Variants in EFHB observed in about 807,000 individuals in gnomAD.
EFHB encodes the protein EF-hand domain-containing family member B.
EFHB carries 91 observed loss-of-function variants against 87.2 expected under a neutral mutation model. The ratio of observed to expected loss-of-function variants is 1.04; its 90% CI spans 0.88 to 1.24. EFHB has a LOEUF of 1.24. Ranked by LOEUF, EFHB falls within the 50% of genes most tolerant of loss-of-function variation. EFHB has a pLI of 0.00. For missense variants in EFHB, 1,084 were observed against 998.8 expected, an observed-to-expected ratio of 1.09 and a Z score of -1.15; for synonymous variants, 325 against 333.6, an observed-to-expected ratio of 0.97 and a Z score of 0.28.
rs533916627 is a variant in EFHB at position 19,944,106 on chromosome 3, C to A, written c.-32+2813G>T. On this transcript the variant is annotated intron_variant, in intron 1 of 14. Transcript: ENST00000344838. ...CCTTTTATTCACTGACTTGCTACTA[C>A]GCCAATGTTAGAGTTACCGTTGGTT... 3.9e-5 allele frequency among the ~76,000 whole-genome samples: 6 copies of A among 152,304 alleles called. No homozygotes were observed. The South Asian group carries it at 1.2e-3, about 32-fold the overall frequency.
chr3:19,899,383 T>G, intron 7 of EFHB, 49 bp downstream of exon 7: 1 of 1,389,536 alleles, frequency 7.2e-7, no homozygotes, highest in Non-Finnish European at 9.9e-7. Flanking sequence ...GAGTATTTTT[T>G]AAATTCTATG....
At chr3:19,902,873 T>C (rs1414866050) in intron 6 of EFHB, among the ~76,000 whole-genome samples, 1 of 151,972 alleles carries the variant, frequency 6.6e-6, no homozygotes, top group African/African-American at 2.4e-5. Flanking sequence ...AACATTCCAA[T>C]TAAGTTTCAA....
rs772283714 is a variant in EFHB, at chr3:19,933,956, G to A, written c.63C>T (p.Ile21=). 5.0e-6 allele frequency: 8 copies of A among 1,613,492 alleles called. No individual in the cohort carries two copies. The Admixed American group carries it at 1.0e-4, about 20-fold the overall frequency. Residue 21 remains isoleucine (I), a synonymous_variant, in exon 1 of 13, where the codon ATC becomes ATT. Transcript: ENST00000295824. Reference sequence around the variant, plus strand: ...ACTCCATGGGAAATTTTGTTCCCATGATGACCCTCTTGTCTCCTAAATCAT... The same window carrying A: ...ACTCCATGGGAAATTTTGTTCCCATAATGACCCTCTTGTCTCCTAAATCAT... The part of the protein sequence containing the change: ...GKDDLGDKRV[I]MGTKFPMELG...
chr3:19,923,126 G>A (rs1052262278), intron 1 of EFHB, among the ~76,000 whole-genome samples: 2 of 152,028 alleles, frequency 1.3e-5, no homozygotes, highest in Non-Finnish European at 2.9e-5. Flanking sequence ...AATTAGCCAG[G>A]CATGGTGGCG....
At chr3:19,941,357 AGT>A (rs1161461342) in intron 1 of EFHB, 2 of 181,228 alleles carry the variant, frequency 1.1e-5, no homozygotes, top group Non-Finnish European at 2.3e-5. Context: ...CTCAAGAAAG[AGT>A]GTACTTAGCA....
chr3:19,933,310 C>A lies in EFHB; in HGVS notation c.709G>T (p.Glu237Ter), dbSNP rs200327375. The A allele has an allele frequency of 2.5e-6, 4 of 1,613,978 alleles. No homozygotes were observed. In the Admixed American group the frequency reaches 6.7e-5, roughly 27 times the overall value. Reference protein sequence around the residue: ...HEQRKEAGNIESGVEPPDRIR... With the variant: ...HEQRKEAGNI The stretch of plus-strand genomic sequence containing the variant: ...CGATCTGGAGGTTCCACTCCTGATT[C>A]AATGTTTCCAGCCTCCTTTCTCTGT... The change falls in exon 1 of 13, where the codon GAA (glutamate) becomes TAA (stop). Residue 237 changes from glutamate to a stop codon, truncating the protein, a stop_gained. Coordinates refer to ENST00000295824, the MANE Select transcript of EFHB (RefSeq NM_144715.4). LOFTEE classifies it high-confidence loss of function.
In EFHB at chr3:19,901,367, A is replaced by C. The variant is rs536809699; in HGVS notation, c.1419-1852T>G. Among the ~76,000 whole-genome samples, 9 of 152,350 alleles carry C rather than the reference A, an allele frequency of 5.9e-5. No individual in the cohort carries two copies. In the East Asian group the frequency reaches 1.5e-3, roughly 26 times the overall value. Reference sequence around the variant, plus strand: ...CAACACTACTATTTAATAACATTAAAATTAATAAATTCTCTATTGTTTTGC... The same window carrying C: ...CAACACTACTATTTAATAACATTAACATTAATAAATTCTCTATTGTTTTGC... On this transcript the variant is annotated intron_variant, in intron 6 of 12. Coordinates refer to ENST00000295824, the MANE Select transcript of EFHB (RefSeq NM_144715.4).
intron 9 of EFHB, among the ~76,000 whole-genome samples, chr3:19,889,009 A>C (rs1177630984): frequency 6.6e-6 from 1 of 152,234 alleles, no homozygotes; most frequent in Non-Finnish European, 1.5e-5. Flanking sequence ...AAGTTCACGG[A>C]GGTGGGTTCA....
chr3:19,928,940 A>G (rs1695728129), intron 1 of EFHB, among the ~76,000 whole-genome samples: 1 of 152,198 alleles, frequency 6.6e-6, no homozygotes, highest in South Asian at 2.1e-4. Flanking sequence ...ATTATGACTA[A>G]TAAGAGTTCA....
chr3:19,920,987 AG>A (rs536538432), intron 1 of EFHB, among the ~76,000 whole-genome samples: 91 of 152,280 alleles, frequency 6.0e-4, no homozygotes, highest in Middle Eastern at 3.4e-3. Flanking sequence ...TCGAGGCTAC[AG>A]TGAGCTGTGA....
At position 19,915,844 on chromosome 3, in the gene EFHB, G is replaced by A. The variant is rs149203422; in HGVS notation, c.1178-431C>T. ...AAAAATTAGCCAGGTGTGGAAGCAC[G>A]TGCCTGTGGTCCCAGCTACTTTACT... On this transcript the variant is annotated intron_variant, in intron 4 of 12. Coordinates refer to ENST00000295824, the MANE Select transcript of EFHB (RefSeq NM_144715.4). 7.2e-5 allele frequency among the ~76,000 whole-genome samples: 11 copies of A among 151,876 alleles called. No homozygotes were observed. In the East Asian group the frequency reaches 1.7e-3, roughly 24 times the overall value.
upstream of EFHB, among the ~76,000 whole-genome samples, chr3:19,938,316 T>TAAGTAATGCAAGTAATGCAA (rs1696069717): frequency 1.3e-5 from 2 of 152,248 alleles, no homozygotes; most frequent in Non-Finnish European, 2.9e-5. Flanking sequence ...TTAAGACGCT[T>TAAGTAATGCAAGTAATGCAA]GCATTTACTT....
chr3:19,925,492 T>C (rs1181672282), intron 1 of EFHB, among the ~76,000 whole-genome samples: 6 of 152,166 alleles, frequency 3.9e-5, no homozygotes, highest in African/African-American at 1.2e-4. Context: ...AAAGGGTTAT[T>C]GTCCTAAATA....
In EFHB at chr3:19,896,684, G is replaced by A. The variant is rs1175258882; in HGVS notation, c.1725+3C>T. On this transcript the variant is annotated splice_donor_region_variant and intron_variant, in intron 9 of 12. Coordinates refer to ENST00000295824, the MANE Select transcript of EFHB (RefSeq NM_144715.4). ...TACCAAAAAGCTCTCCCCCATTACT[G>A]GCCTTGTCATAGTGCCTGAAGGCTG... is the stretch of plus-strand genomic sequence containing the variant. 1.9e-6 allele frequency: 3 copies of A among 1,613,918 alleles called. No individual in the cohort carries two copies. Among genetic ancestry groups the A allele is most frequent in the East Asian group, 2.2e-5 (1 of 44,882 alleles).
intron 1 of EFHB, among the ~76,000 whole-genome samples, chr3:19,924,245 C>T (rs1695540207): frequency 6.8e-6 from 1 of 147,166 alleles, no homozygotes; most frequent in African/African-American, 2.5e-5. Flanking sequence ...ACAGAGTCGT[C>T]CTCTGTTGCC....
In EFHB at chr3:19,888,490, T is replaced by G. The variant is rs777363241; in HGVS notation, c.1887A>C (p.Lys629Asn). 4.3e-5 allele frequency: 68 copies of G among 1,571,116 alleles called. No homozygotes were observed. Among genetic ancestry groups the G allele is most frequent in the Non-Finnish European group, 5.8e-5 (67 of 1,156,172 alleles). Residue 629 changes from lysine (K) to asparagine (N), a missense_variant, in exon 10 of 13, where the codon AAA (lysine) becomes AAC (asparagine). Lys to Asn is a moderately conservative substitution (Grantham distance 94). Coordinates refer to ENST00000295824, the MANE Select transcript of EFHB (RefSeq NM_144715.4). ...CATACTCTTTAAGAAGCATTTTGTC[T>G]TTCCAGTTAAGAAAATTTGCGAATT... Reference protein sequence around the residue: ...YLEFANFLNWKDKMLLKEYEE... With the variant: ...YLEFANFLNWNDKMLLKEYEE...
intron 9 of EFHB, among the ~76,000 whole-genome samples, chr3:19,891,186 C>G (rs1371150291): frequency 6.6e-6 from 1 of 152,096 alleles, no homozygotes; most frequent in Non-Finnish European, 1.5e-5. Context: ...CCTGCCTCAG[C>G]CTACTGAGTA....
chr3:19,906,509 GA>G (rs1381444770), intron 5 of EFHB, among the ~76,000 whole-genome samples: 3 of 152,048 alleles, frequency 2.0e-5, no homozygotes, highest in Non-Finnish European at 4.4e-5. Flanking sequence ...GGGGGTAAAA[GA>G]CCTGTACACT....
intron 1 of EFHB, among the ~76,000 whole-genome samples, chr3:19,939,827 G>A (rs915786024): frequency 1.3e-5 from 2 of 152,072 alleles, no homozygotes; most frequent in African/African-American, 4.8e-5. Flanking sequence ...GAATGCACAG[G>A]GTCTGATCTA....
Sources: gnomAD v4.1 joint callset for allele counts (sites outside exome capture counted in the v4.1 genomes callset) on GRCh38, gnomAD v4.1.1 for gene constraint, MANE v1.5 for transcripts, NCBI Gene and HGNC (gene_info 2026-07-23, HGNC 2026-07-21) for gene names.